The following INSC variants were observed in gnomAD, a reference collection of about 807,000 sequenced individuals.
The protein encoded by INSC is INSC spindle orientation adaptor protein.
A neutral mutation model predicts 58.6 loss-of-function variants in INSC; 67 were observed. That is an observed-to-expected ratio of 1.14 (90% CI 0.94 to 1.40). The LOEUF (loss-of-function observed/expected upper bound fraction) is 1.40. Ranked by LOEUF, INSC falls within the 40% of genes most tolerant of loss-of-function variation. INSC has a pLI of 0.00. For missense variants in INSC, 714 were observed against 692.0 expected (o/e 1.03, Z -0.36); for synonymous variants, 262 against 276.1 (o/e 0.95, Z 0.51).
rs144250998 is a variant in INSC at position 15,176,175 on chromosome 11, T to A, written c.402+89T>A. The A allele has an allele frequency of 3.5e-6, 4 of 1,133,050 alleles. No homozygotes were observed. The East Asian group carries it at 1.1e-4, about 30-fold the overall frequency. The allele number at this position is 1,133,050 out of a possible 1,614,324, so 70.2% of individuals were successfully genotyped here. On this transcript the variant is annotated intron_variant, in intron 3 of 12. Coordinates refer to ENST00000379556, the MANE Select transcript of INSC (RefSeq NM_001042536.3). ...GTTTGAATCATGTGGTGTCTGAATC[T>A]TTTTTGCTCCAGAAGCCTTTCTCCC...
intron 10 of INSC, 141 bp downstream of exon 10, chr11:15,235,809 A>T: frequency 1.3e-6 from 1 of 782,802 alleles, no homozygotes; most frequent in East Asian, 2.5e-5. Flanking sequence ...TAATCCCAGC[A>T]CTTTGGGAAG....
chr11:15,235,894 A>G (rs1005710347), intron 10 of INSC, among the ~76,000 whole-genome samples: 1 of 151,960 alleles, frequency 6.6e-6, no homozygotes, highest in Admixed American at 6.6e-5. Context: ...TGTCTCCACT[A>G]AAAATACAGA....
At chr11:15,245,243 G>T (rs1852514933) in intron 12 of INSC, among the ~76,000 whole-genome samples, 1 of 152,138 alleles carries the variant, frequency 6.6e-6, no homozygotes. Context: ...AGCCTTCATG[G>T]GGGAGGTGAC....
chr11:15,205,839 C>T (rs1850776557), intron 7 of INSC, among the ~76,000 whole-genome samples: 1 of 152,140 alleles, frequency 6.6e-6, no homozygotes, highest in Non-Finnish European at 1.5e-5. Flanking sequence ...GCTGGTCCTT[C>T]TGAGGCAGGG....
chr11:15,214,693 A>C (rs1851148136), intron 7 of INSC, among the ~76,000 whole-genome samples: 1 of 152,226 alleles, frequency 6.6e-6, no homozygotes, highest in Non-Finnish European at 1.5e-5. Context: ...ATATGCTGGA[A>C]ACATAATCCC....
At chr11:15,244,170 T>C (rs940701197) in intron 12 of INSC, among the ~76,000 whole-genome samples, 1 of 152,330 alleles carries the variant, frequency 6.6e-6, no homozygotes, top group East Asian at 1.9e-4. Context: ...TCCCTGGTTC[T>C]GTTTTCATGG....
At chr11:15,191,984 G>A (rs186255720) in intron 6 of INSC, among the ~76,000 whole-genome samples, 1 of 152,290 alleles carries the variant, frequency 6.6e-6, no homozygotes, top group Admixed American at 6.5e-5. Context: ...CCCAAAACAG[G>A]AGGCTGTACA....
At chr11:15,219,124 A>G (rs948040639) in intron 7 of INSC, among the ~76,000 whole-genome samples, 3 of 152,158 alleles carry the variant, frequency 2.0e-5, no homozygotes, top group Non-Finnish European at 4.4e-5. Context: ...GGAGCTGTTA[A>G]AAAGCAGATT....
rs867832743 is a variant in INSC at position 15,119,789 on chromosome 11, G to A, written c.-46+4786G>A. On this transcript the variant is annotated intron_variant, in intron 1 of 12. Transcript: ENST00000379556. ...TGGGCGGTACATACTGGCAATGTGC[G>A]GAAAAGAGTGCACGGGCTTTGCAGC... Among the ~76,000 whole-genome samples the A allele has an allele frequency of 4.6e-5, 7 of 152,332 alleles. No individual in the cohort carries two copies. In the South Asian group the frequency reaches 6.2e-4, roughly 14 times the overall value.
At position 15,186,876 on chromosome 11, in the gene INSC, TA is replaced by T. The variant is rs928911593; in HGVS notation, c.580-3817del. 1.1e-4 allele frequency among the ~76,000 whole-genome samples: 17 copies of T among 152,158 alleles called. No individual in the cohort carries two copies. In the East Asian group the frequency reaches 3.1e-3, roughly 28 times the overall value. ...CGAACTCTACTATTAAAATACTTTT[TA>T]AAAAAAACCCAGCAATTGCTTTTAT... On this transcript the variant is annotated intron_variant, in intron 5 of 12. Transcript: ENST00000379556.
the INSC span, among the ~76,000 whole-genome samples, chr11:15,269,662 T>A: frequency 6.6e-6 from 1 of 152,046 alleles, no homozygotes; most frequent in African/African-American, 2.4e-5. Context: ...GCATCCTACA[T>A]GATCTTGTCT....
chr11:15,240,570 C>T (rs780499920), intron 12 of INSC, 47 bp downstream of exon 12: 22 of 1,516,900 alleles, frequency 1.5e-5, no homozygotes, highest in African/African-American at 2.8e-5. Context: ...CTTCGGAATG[C>T]AGCCAAGGGG....
At chr11:15,203,749 A>G (rs4757298) in intron 7 of INSC, among the ~76,000 whole-genome samples, 38,378 of 152,144 alleles carry the variant, frequency 0.25, 5,679 homozygotes, top group East Asian at 0.73. Context: ...CTAGTCTAGA[A>G]GGTAGCAAGT....
intron 9 of INSC, among the ~76,000 whole-genome samples, chr11:15,230,728 G>A (rs954288512): frequency 1.3e-5 from 2 of 152,176 alleles, no homozygotes; most frequent in African/African-American, 2.4e-5. Context: ...TCTCTAATAC[G>A]GTGGGTTTAC....
intron 6 of INSC, among the ~76,000 whole-genome samples, chr11:15,194,926 A>T (rs752038016): frequency 3.9e-5 from 6 of 152,214 alleles, no homozygotes; most frequent in Admixed American, 3.3e-4. Flanking sequence ...GGGAGCTTTA[A>T]AATTTTTAGG....
At chr11:15,171,204 C>A (rs1849385587) in intron 2 of INSC, among the ~76,000 whole-genome samples, 1 of 152,054 alleles carries the variant, frequency 6.6e-6, no homozygotes, top group African/African-American at 2.4e-5. Flanking sequence ...TGAGTGCCTC[C>A]ATTCAGAGGA....
chr11:15,185,254 G>A (rs1849921104), intron 5 of INSC, among the ~76,000 whole-genome samples: 1 of 152,112 alleles, frequency 6.6e-6, no homozygotes, highest in South Asian at 2.1e-4. Flanking sequence ...AAGCAATGTA[G>A]TACACAAACT....
rs549738981 is a variant in INSC, at chr11:15,245,531, T to C, written c.1471-381T>C. The stretch of plus-strand genomic sequence containing the variant: ...CTACTTTTACAATATGTTCTCCCTC[T>C]CTTTTCCTCTTTTTTCCATAGTGCT... On this transcript the variant is annotated intron_variant, in intron 12 of 12. Transcript: ENST00000379556. Among the ~76,000 whole-genome samples, 9 of 152,346 alleles carry C rather than the reference T, an allele frequency of 5.9e-5. No homozygotes were observed. In the South Asian group the frequency reaches 1.0e-3, roughly 18 times the overall value.
chr11:15,147,387 T>A (rs998454879), intron 1 of INSC, among the ~76,000 whole-genome samples: 6 of 152,218 alleles, frequency 3.9e-5, no homozygotes, highest in African/African-American at 1.4e-4. Context: ...TCCCTTAGCA[T>A]AGCTGACCAG....
Sources: gnomAD v4.1 joint callset for allele counts (sites outside exome capture counted in the v4.1 genomes callset) on GRCh38, gnomAD v4.1.1 for gene constraint, MANE v1.5 for transcripts, NCBI Gene and HGNC (gene_info 2026-07-23, HGNC 2026-07-21) for gene names.